FASTKD5: variants seen among roughly 807,000 people sequenced by gnomAD.
FASTKD5 encodes the protein non-canonical pre-mRNAs endonuclease FASTKD5, mitochondrial.
A neutral mutation model predicts 44.0 loss-of-function variants in FASTKD5; 30 were observed. The ratio of observed to expected loss-of-function variants is 0.68; its 90% confidence interval spans 0.51 to 0.93. The LOEUF (loss-of-function observed/expected upper bound fraction) is 0.93. Ranked by LOEUF, FASTKD5 falls within the 40% of genes least tolerant of loss-of-function variation. FASTKD5 has a pLI of 0.00. For missense variants in FASTKD5, 868 were observed against 908.2 expected, an observed-to-expected ratio of 0.96 and a Z score of 0.57; for synonymous variants, 335 against 342.2, an observed-to-expected ratio of 0.98 and a Z score of 0.23.
intron 1 of FASTKD5, among the ~76,000 whole-genome samples, chr20:3,159,512 G>A (rs1473369311): frequency 6.6e-6 from 1 of 152,158 alleles, no homozygotes; most frequent in Non-Finnish European, 1.5e-5. Flanking sequence ...CCATTTCACA[G>A]AGGAAAAAAA....
Position 3,147,191 on chromosome 20 carries a change from T to A in FASTKD5, c.1880A>T (p.Asp627Val), listed in dbSNP as rs2148618964. The A allele has an allele frequency of 2.5e-6, 4 of 1,614,124 alleles. No homozygotes were observed. The highest frequency in any genetic ancestry group is 2.5e-6 in the Non-Finnish European group (3 of 1,180,030). The change falls in exon 2 of 2, where the codon GAT becomes GTT. Residue 627 changes from aspartate to valine, a missense_variant. Coordinates refer to ENST00000380266, the MANE Select transcript of FASTKD5 (RefSeq NM_021826.5). ...TTTTAGTAACTTATTCATCAAATCA[T>A]CTGTAAGGCTGACTCCCACATGCTC... ...RLEHVGVSLT[D>V]DLMNKLLKGK... is the part of the protein sequence containing the mutation.
chr20:3,155,456 G>A (rs181517721), intron 1 of FASTKD5, among the ~76,000 whole-genome samples: 38 of 152,032 alleles, frequency 2.5e-4, no homozygotes, highest in South Asian at 1.2e-3. Context: ...ACTTGAACCC[G>A]CGAGGCAGAG....
In FASTKD5 at chr20:3,148,181, T is replaced by C. The variant is rs1455858340; in HGVS notation, c.890A>G (p.Asp297Gly). The change falls in exon 2 of 2, where the codon GAC (aspartate) becomes GGC (glycine). Residue 297 changes from aspartate (D) to glycine (G), a missense_variant. Physicochemically the swap from Asp to Gly is moderately conservative, Grantham distance 94. Transcript: ENST00000380266. ...CAATGATTCCAATTTTTGCATTAGG[T>C]CCTGGGATACCTGACGATTTTCACC... ...VIGENRQVSQ[D>G]LMQKLESLIL... 1.9e-6 allele frequency: 3 copies of C among 1,613,860 alleles called. No individual in the cohort carries two copies. In the African/African-American group the frequency reaches 4.0e-5, roughly 22 times the overall value.
chr20:3,159,440 C>A (rs1285793903), intron 1 of FASTKD5, among the ~76,000 whole-genome samples: 1 of 152,204 alleles, frequency 6.6e-6, no homozygotes, highest in Non-Finnish European at 1.5e-5. Context: ...TGATGAGAGG[C>A]GCGGCAGAAT....
intron 1 of FASTKD5, chr20:3,151,651 AAAAT>A (rs1259618854): frequency 6.6e-6 from 1 of 151,760 alleles, no homozygotes; most frequent in Non-Finnish European, 1.5e-5. Context: ...ATAAATTAAA[AAAAT>A]AAAAAATTTT....
chr20:3,148,898 T>A lies in FASTKD5; in HGVS notation c.173A>T (p.Asn58Ile). 6.2e-7 allele frequency: 1 copy of A among 1,614,152 alleles called. No individual in the cohort carries two copies. The highest frequency in any genetic ancestry group is 8.5e-7 in the Non-Finnish European group (1 of 1,180,028). ...CCGAGAAGAGAAGGTGCTACATATGTTCTTAACTTTTTTGGCAGAATGGCA... is the reference window on the plus strand; with the variant it reads ...CCGAGAAGAGAAGGTGCTACATATGATCTTAACTTTTTTGGCAGAATGGCA... Reference protein sequence around the residue: ...SLCHSAKKVKNICSTFSSRRI... With the variant: ...SLCHSAKKVKIICSTFSSRRI... Residue 58 changes from asparagine to isoleucine, a missense_variant, in exon 2 of 2, where the codon AAC becomes ATC. Physicochemically the swap from Asn to Ile is moderately radical, Grantham distance 149. Transcript: ENST00000380266.
chr20:3,146,716 T>C lies in FASTKD5; in HGVS notation c.*60A>G. 6.6e-7 allele frequency: 1 copy of C among 1,521,052 alleles called. No homozygotes were observed. Among genetic ancestry groups the C allele is most frequent in the Non-Finnish European group, 8.8e-7 (1 of 1,133,942 alleles). The allele number at this position is 1,521,052 out of a possible 1,614,324, so 94.2% of individuals were successfully genotyped here. A position where few individuals can be genotyped will look rare whatever the true frequency, so the allele number is the denominator to read the frequency against. On this transcript the variant is annotated 3_prime_UTR_variant, in exon 2 of 2. Transcript: ENST00000380266. ...TACATTCTGGCTTTTATAATCATTT[T>C]GCAACACCTGGTACAGTATACACCT...
At chr20:3,157,193 G>C (rs1229833142) in intron 1 of FASTKD5, among the ~76,000 whole-genome samples, 3 of 152,186 alleles carry the variant, frequency 2.0e-5, no homozygotes, top group Non-Finnish European at 4.4e-5. Context: ...AGGGCTTAGA[G>C]ACTGGCAGTA....
rs769077588 is a variant in FASTKD5 at position 3,146,874 on chromosome 20, C to T, written c.2197G>A (p.Val733Ile). ...AGCCATTCCCAGTAGGATAACTCTA[C>T]CACACGGTAGCCAAGCCGAGCCAGC... ...RQLARLGYRVVELSYWEWLPL... is the reference protein window; with the variant it reads ...RQLARLGYRVIELSYWEWLPL... The change falls in exon 2 of 2, where the codon GTA (valine) becomes ATA (isoleucine). Residue 733 changes from valine (V) to isoleucine (I), a missense_variant. Val to Ile is a conservative substitution (Grantham distance 29, BLOSUM62 3). Coordinates refer to ENST00000380266, the MANE Select transcript of FASTKD5 (RefSeq NM_021826.5). The T allele has an allele frequency of 6.2e-7, 1 of 1,614,210 alleles. No homozygotes were observed.
In FASTKD5 at chr20:3,147,103, C is replaced by A. The variant is rs778236761; in HGVS notation, c.1968G>T (p.Glu656Asp). 6.2e-7 allele frequency: 1 copy of A among 1,614,016 alleles called. No homozygotes were observed. Among genetic ancestry groups the A allele is most frequent in the Non-Finnish European group, 8.5e-7 (1 of 1,180,046 alleles). The part of the protein sequence containing the change: ...TESEPGQQPM[E>D]LENKAAVPLG... ...GAGGTACAGCTGCCTTATTCTCCAACTCCATGGGCTGCTGCCCAGGCTCTG... is the reference window on the plus strand; with the variant it reads ...GAGGTACAGCTGCCTTATTCTCCAAATCCATGGGCTGCTGCCCAGGCTCTG... The change falls in exon 2 of 2, where the codon GAG becomes GAT. Residue 656 changes from glutamate (E) to aspartate (D), a missense_variant. Coordinates refer to ENST00000380266, the MANE Select transcript of FASTKD5 (RefSeq NM_021826.5).
chr20:3,153,760 C>G (rs1387062874), intron 1 of FASTKD5, among the ~76,000 whole-genome samples: 3 of 152,122 alleles, frequency 2.0e-5, no homozygotes, highest in Admixed American at 6.5e-5. Flanking sequence ...GTTGAGTATC[C>G]CTTGTCCAAA....
At position 3,147,613 on chromosome 20, in the gene FASTKD5, T is replaced by A. The variant is rs17850190; in HGVS notation, c.1458A>T (p.Pro486=). The change falls in exon 2 of 2, where the codon CCA becomes CCT. Residue 486 remains proline (P), a synonymous_variant. Coordinates refer to ENST00000380266, the MANE Select transcript of FASTKD5 (RefSeq NM_021826.5). ...LLGLAFLEYF[P]VELIDFALSP... ...TGAGAGCGAAATCAATTAACTCTAC[T>A]GGAAAGTACTCCAAAAATGCCAGGC... The A allele has an allele frequency of 6.2e-7, 1 of 1,614,200 alleles. No individual in the cohort carries two copies. Among genetic ancestry groups the A allele is most frequent in the Admixed American group, 1.7e-5 (1 of 60,028 alleles).
chr20:3,159,198 G>A (rs1028209850), intron 1 of FASTKD5, among the ~76,000 whole-genome samples: 1 of 152,188 alleles, frequency 6.6e-6, no homozygotes, highest in Non-Finnish European at 1.5e-5. Flanking sequence ...TGTGCAACGA[G>A]AAACTGCTAA....
rs2066564980 is a variant in FASTKD5 at position 3,146,559 on chromosome 20, T to A, written c.*217A>T. ...ACATATTAAGATGTTTATTATTTACTAAGAGTAACATGTATACATTTGCAG... is the reference window on the plus strand; with the variant it reads ...ACATATTAAGATGTTTATTATTTACAAAGAGTAACATGTATACATTTGCAG... On this transcript the variant is annotated 3_prime_UTR_variant, in exon 2 of 2. Coordinates refer to ENST00000380266, the MANE Select transcript of FASTKD5 (RefSeq NM_021826.5). 5 of 521,936 alleles carry A rather than the reference T, an allele frequency of 9.6e-6. No individual in the cohort carries two copies. The highest frequency in any genetic ancestry group is 1.9e-5 in the African/African-American group (1 of 52,770). The allele number at this position is 521,936 out of a possible 1,614,324, so 32.3% of individuals were successfully genotyped here.
In FASTKD5 at chr20:3,157,902, T is replaced by C. The variant is rs2066704003; in HGVS notation, c.-191+1864A>G. 2.6e-5 allele frequency among the ~76,000 whole-genome samples: 4 copies of C among 152,088 alleles called. 1 individual carries two copies. The South Asian group carries it at 8.3e-4, about 32-fold the overall frequency. On this transcript the variant is annotated intron_variant, in intron 1 of 1. Coordinates refer to ENST00000380266, the MANE Select transcript of FASTKD5 (RefSeq NM_021826.5). ...TAAAGAAGGAGTTTCAGAATTCTTT[T>C]GTTTTTTTTTTCAGACAGGGTCTCG...
chr20:3,149,339 G>A lies in FASTKD5; in HGVS notation c.-190-79C>T. The A allele has an allele frequency of 4.4e-6, 2 of 451,790 alleles. No homozygotes were observed. The highest frequency in any genetic ancestry group is 7.9e-6 in the Non-Finnish European group (2 of 253,730). 28.0% of individuals were successfully genotyped at this position (451,790 alleles called of 1,614,324 possible). A position where few individuals can be genotyped will look rare whatever the true frequency, so the allele number is the denominator to read the frequency against. On this transcript the variant is annotated intron_variant, in intron 1 of 1. Transcript: ENST00000380266. The surrounding 1 kb of genome is among the most constrained non-coding windows in gnomAD (Gnocchi z 4.1). Reference sequence around the variant, plus strand: ...ATTTACACATTATAAAAAACAGGTTGAAACTACACTGCTGTCTACTCAAAT... The same window carrying A: ...ATTTACACATTATAAAAAACAGGTTAAAACTACACTGCTGTCTACTCAAAT...
intron 1 of FASTKD5, among the ~76,000 whole-genome samples, chr20:3,153,282 CTTTTTGAT>C (rs2066650051): frequency 6.6e-6 from 1 of 152,220 alleles, no homozygotes; most frequent in Admixed American, 6.5e-5. Context: ...TCATGTGACA[CTTTTTGAT>C]TTGTAAAAAC....
chr20:3,151,859 CT>C (rs1202418803), intron 1 of FASTKD5: 1 of 151,448 alleles, frequency 6.6e-6, no homozygotes, highest in Non-Finnish European at 1.5e-5. Flanking sequence ...AATTCCAGCA[CT>C]TTGAGAGGCC....
chr20:3,158,566 CG>C (rs1385288646), intron 1 of FASTKD5, among the ~76,000 whole-genome samples: 67 of 152,272 alleles, frequency 4.4e-4, no homozygotes, highest in African/African-American at 1.1e-3. Context: ...CTCCGCCTCC[CG>C]GGGTTCACGC....
Sources: gnomAD v4.1 joint callset for allele counts (sites outside exome capture counted in the v4.1 genomes callset) on GRCh38, gnomAD v4.1.1 for gene constraint, Gnocchi (gnomAD v3.1) non-coding constraint, MANE v1.5 for transcripts, NCBI Gene and HGNC (gene_info 2026-07-23, HGNC 2026-07-21) for gene names.